PTPRT: variants seen among roughly 807,000 people sequenced by gnomAD.
The protein encoded by PTPRT is protein tyrosine phosphatase receptor type T, also known as receptor-type tyrosine-protein phosphatase T.
PTPRT carries 56 observed loss-of-function variants against 176.8 expected under a neutral mutation model. The ratio of observed to expected loss-of-function variants is 0.32; its 90% CI spans 0.26 to 0.40. The LOEUF is 0.40. Ranked by LOEUF, PTPRT falls within the 10% of genes least tolerant of loss-of-function variation. The pLI, the probability that PTPRT is intolerant of heterozygous loss-of-function variation, is 1.00. For missense variants in PTPRT, 1,540 were observed against 1,908.2 expected, an observed-to-expected ratio of 0.81 and a Z score of 3.60; for synonymous variants, 783 against 739.0, an observed-to-expected ratio of 1.06 and a Z score of -0.96.
chr20:42,395,849 G>A (rs754079410), intron 9 of PTPRT, among the ~76,000 whole-genome samples: 3 of 151,916 alleles, frequency 2.0e-5, no homozygotes, highest in South Asian at 2.1e-4. Context: ...TGATACTTCT[G>A]TCTCATTTGA....
chr20:43,026,661 T>C (rs551785522), intron 1 of PTPRT, among the ~76,000 whole-genome samples: 5 of 152,348 alleles, frequency 3.3e-5, no homozygotes, highest in Non-Finnish European at 7.3e-5. Flanking sequence ...AGTCACCCTG[T>C]TGTACTATCA....
Position 42,633,818 on chromosome 20 carries a change from T to TATATATATATATATAA in PTPRT, c.1153+44047_1153+44048insTTATATATATATATAT, listed in dbSNP as rs1491342115. 3.2e-3 allele frequency among the ~76,000 whole-genome samples: 183 copies of TATATATATATATATAA among 57,634 alleles called. 7 individuals are homozygous for TATATATATATATATAA. The highest frequency in any genetic ancestry group is 0.014 in the African/African-American group (171 of 12,230). The allele number at this position is 57,634 out of a possible 152,430, so 37.8% of individuals were successfully genotyped here. A position where few individuals can be genotyped will look rare whatever the true frequency, so the allele number is the denominator to read the frequency against. ...ATATATATATATATATATATATATA[T>TATATATATATATATAA]AATAAAATATTAATATATTATAATA... On this transcript the variant is annotated intron_variant, in intron 7 of 30. Transcript: ENST00000373187.
intron 13 of PTPRT, among the ~76,000 whole-genome samples, chr20:42,266,101 A>T (rs77290741): frequency 6.6e-6 from 1 of 152,100 alleles, no homozygotes; most frequent in African/African-American, 2.4e-5. Flanking sequence ...TCTTCTGTTG[A>T]CCCTCACCAT....
intron 2 of PTPRT, among the ~76,000 whole-genome samples, chr20:42,823,589 T>G (rs1435445741): frequency 6.6e-6 from 1 of 152,122 alleles, no homozygotes; most frequent in Non-Finnish European, 1.5e-5. Flanking sequence ...AAAGTCAGTA[T>G]TTTAGATGTA....
chr20:42,329,090 CA>C (rs1477069234), intron 11 of PTPRT, among the ~76,000 whole-genome samples: 6 of 152,186 alleles, frequency 3.9e-5, no homozygotes, highest in African/African-American at 1.4e-4. Context: ...ACAATTTTAA[CA>C]AGGTAGCTAT....
chr20:43,158,014 A>G (rs2014572501), intron 1 of PTPRT, among the ~76,000 whole-genome samples: 1 of 141,762 alleles, frequency 7.1e-6, no homozygotes, highest in African/African-American at 2.6e-5. Context: ...TCTGGCTGCC[A>G]TCTTGAGAGT....
At chr20:42,730,810 C>T (rs1182749109) in intron 6 of PTPRT, among the ~76,000 whole-genome samples, 1 of 152,158 alleles carries the variant, frequency 6.6e-6, no homozygotes, top group African/African-American at 2.4e-5. Context: ...CCTCTAACCT[C>T]AGTTTGGGGG....
intron 7 of PTPRT, among the ~76,000 whole-genome samples, chr20:42,559,913 A>T (rs2072923746): frequency 6.6e-6 from 1 of 152,160 alleles, no homozygotes; most frequent in Admixed American, 6.5e-5. Flanking sequence ...AACTGTATGA[A>T]AATCCATATT....
intron 9 of PTPRT, among the ~76,000 whole-genome samples, chr20:42,375,554 C>G (rs2058640972): frequency 6.6e-6 from 1 of 152,166 alleles, no homozygotes. Context: ...AGACACCAAA[C>G]CTGCCCCCCT....
chr20:42,729,616 G>A (rs943777357), intron 6 of PTPRT, among the ~76,000 whole-genome samples: 4 of 152,156 alleles, frequency 2.6e-5, no homozygotes, highest in Non-Finnish European at 4.4e-5. Context: ...TATATAACGA[G>A]AAAGCTGGGA....
chr20:42,759,688 T>C (rs547263341), intron 5 of PTPRT, among the ~76,000 whole-genome samples: 107 of 152,348 alleles, frequency 7.0e-4, no homozygotes, highest in African/African-American at 2.5e-3. Context: ...GGAAATTTTC[T>C]TCTGGTTCCT....
chr20:42,448,415 T>C, intron 8 of PTPRT, 86 bp from the exon 9 acceptor site: 3 of 1,029,186 alleles, frequency 2.9e-6, no homozygotes, highest in Non-Finnish European at 4.6e-6. Flanking sequence ...GTTGACAAAG[T>C]TGCTGTAAAG....
chr20:42,994,026 G>A (rs181046923), intron 1 of PTPRT, among the ~76,000 whole-genome samples: 2 of 152,158 alleles, frequency 1.3e-5, no homozygotes, highest in Non-Finnish European at 1.5e-5. Context: ...ATTAAGTAAC[G>A]GGAATAGTAG....
intron 6 of PTPRT, among the ~76,000 whole-genome samples, chr20:42,690,587 C>T (rs890349986): frequency 1.3e-5 from 2 of 152,150 alleles, no homozygotes; most frequent in Non-Finnish European, 2.9e-5. Context: ...CCTGCGCAGC[C>T]CACATAAGTG....
chr20:42,096,765 T>TAAA (rs2146202013), intron 27 of PTPRT, among the ~76,000 whole-genome samples: 1 of 136,398 alleles, frequency 7.3e-6, no homozygotes, highest in South Asian at 2.4e-4. Context: ...AATTTTTTTT[T>TAAA]TTTTTTTTTT....
chr20:42,590,754 A>G (rs1409053219), intron 7 of PTPRT, among the ~76,000 whole-genome samples: 1 of 152,208 alleles, frequency 6.6e-6, no homozygotes, highest in Non-Finnish European at 1.5e-5. Context: ...TGTAGCAAAA[A>G]TAGATAGAAA....
intron 13 of PTPRT, among the ~76,000 whole-genome samples, chr20:42,277,610 T>C (rs1471187897): frequency 2.6e-5 from 4 of 152,078 alleles, no homozygotes; most frequent in Admixed American, 2.0e-4. Flanking sequence ...AGAAAAATAA[T>C]AGGGAGCCAG....
At chr20:42,970,565 C>T (rs1982570070) in intron 1 of PTPRT, among the ~76,000 whole-genome samples, 1 of 152,080 alleles carries the variant, frequency 6.6e-6, no homozygotes. Context: ...GGGGGTAATG[C>T]TAGCACCCCC....
intron 14 of PTPRT, among the ~76,000 whole-genome samples, chr20:42,241,465 T>C (rs566152155): frequency 6.4e-4 from 98 of 152,074 alleles, no homozygotes; most frequent in Non-Finnish European, 1.3e-3. Flanking sequence ...CAGGAAGTCA[T>C]GTGGCCAAAT....
Sources: gnomAD v4.1 joint callset for allele counts (sites outside exome capture counted in the v4.1 genomes callset) on GRCh38, gnomAD v4.1.1 for gene constraint, MANE v1.5 for transcripts, NCBI Gene and HGNC (gene_info 2026-07-23, HGNC 2026-07-21) for gene names.